CENPA: variants seen among roughly 807,000 people sequenced by gnomAD.
The protein encoded by CENPA is centromere protein A.
Under a neutral mutation model 17.2 loss-of-function variants are expected in CENPA, and 7 were observed. That is an observed-to-expected ratio of 0.41 (90% CI 0.23 to 0.76). The LOEUF (loss-of-function observed/expected upper bound fraction) is 0.76, where lower values mean the gene tolerates loss of function less well. CENPA is among the 30% of genes least tolerant of loss of function. The pLI, the probability that CENPA is intolerant of heterozygous loss-of-function variation, is 0.34. For missense variants in CENPA, 149 were observed against 193.1 expected, an observed-to-expected ratio of 0.77 and a Z score of 1.35; for synonymous variants, 82 against 77.4, an observed-to-expected ratio of 1.06 and a Z score of -0.31.
intron 1 of CENPA, 66 bp downstream of exon 1, chr2:26,786,362 C>G: frequency 1.6e-6 from 2 of 1,281,864 alleles, no homozygotes; most frequent in Non-Finnish European, 2.0e-6. Flanking sequence ...CCCGGATCTC[C>G]CGAGTCCCGA....
At position 26,793,935 on chromosome 2, in the gene CENPA, A is replaced by G. The variant is rs1664668151; in HGVS notation, c.*171A>G. ...TTAAATATTTTTCTTTTTTTTGAGAAGGAGAAGACTGCATGACTTTCCTCT... is the reference window on the plus strand; with the variant it reads ...TTAAATATTTTTCTTTTTTTTGAGAGGGAGAAGACTGCATGACTTTCCTCT... On this transcript the variant is annotated 3_prime_UTR_variant, in exon 5 of 5. Coordinates refer to ENST00000335756, the MANE Select transcript of CENPA (RefSeq NM_001809.4). The G allele has an allele frequency of 6.6e-6, 1 of 152,170 alleles. No individual in the cohort carries two copies. The highest frequency in any genetic ancestry group is 6.6e-5 in the Admixed American group (1 of 15,266). 9.4% of individuals were successfully genotyped at this position (152,170 alleles called of 1,614,324 possible).
In CENPA at chr2:26,792,242, TA is replaced by T; in HGVS notation, c.210+4del. ...AGGAAGCTGCCCTTCAGCCGCCTGG[TA>T]AGCTCCGGGAGCTTCCCACCAACCC... On this transcript the variant is annotated splice_donor_region_variant and intron_variant, in intron 2 of 4. Transcript: ENST00000335756. 1 of 1,610,606 alleles carries T rather than the reference TA, an allele frequency of 6.2e-7. No individual in the cohort carries two copies. The highest frequency in any genetic ancestry group is 8.5e-7 in the Non-Finnish European group (1 of 1,177,718).
intron 1 of CENPA, among the ~76,000 whole-genome samples, chr2:26,790,058 G>C (rs1350990995): frequency 6.6e-6 from 1 of 152,026 alleles, no homozygotes; most frequent in African/African-American, 2.4e-5. Context: ...TCTCTAATTG[G>C]TTACTTTTCA....
intron 1 of CENPA, among the ~76,000 whole-genome samples, chr2:26,787,015 C>G (rs1453362337): frequency 1.3e-5 from 2 of 152,244 alleles, no homozygotes; most frequent in African/African-American, 4.8e-5. Flanking sequence ...CTTTACTTAT[C>G]TCTTAACTCT....
chr2:26,791,725 A>T (rs1664617776), intron 1 of CENPA, among the ~76,000 whole-genome samples: 1 of 152,208 alleles, frequency 6.6e-6, no homozygotes, highest in African/African-American at 2.4e-5. Flanking sequence ...GGTGGGAAAG[A>T]TCTAAGACTT....
At chr2:26,792,098 A>T in intron 1 of CENPA, 33 bp from the exon 2 acceptor site, 1 of 1,596,830 alleles carries the variant, frequency 6.3e-7, no homozygotes, top group Non-Finnish European at 8.6e-7. Flanking sequence ...GGCACCACCT[A>T]TTTTCCACTG....
In CENPA at chr2:26,787,233, G is replaced by A. The variant is rs1664523141; in HGVS notation, c.100+937G>A. ...TTTTTTGGGTTTTTTGTTTTGTTTT[G>A]GAGACGGAGTCAGGCTTTGTCGCCC... On this transcript the variant is annotated intron_variant, in intron 1 of 4. Transcript: ENST00000335756. 4.0e-5 allele frequency among the ~76,000 whole-genome samples: 6 copies of A among 150,836 alleles called. No individual in the cohort carries two copies. In the South Asian group the frequency reaches 1.3e-3, roughly 31 times the overall value.
In CENPA at chr2:26,792,196, A is replaced by G; in HGVS notation, c.166A>G (p.Lys56Glu). ...GCTAAAGGAGATCCGAAAGCTTCAGAAGAGCACACACCTCTTGATAAGGAA... is the reference window on the plus strand; with the variant it reads ...GCTAAAGGAGATCCGAAAGCTTCAGGAGAGCACACACCTCTTGATAAGGAA... ...GWLKEIRKLQKSTHLLIRKLP... is the reference protein window; with the variant it reads ...GWLKEIRKLQESTHLLIRKLP... Residue 56 changes from lysine (K) to glutamate (E), a missense_variant, in exon 2 of 5, where the codon AAG (lysine) becomes GAG (glutamate). Physicochemically the swap from Lys to Glu is moderately conservative, Grantham distance 56. Around this residue, in one of 2 missense-constraint regions of CENPA, gnomAD observed 95 missense variants for 87.5 expected, o/e 1.09. Transcript: ENST00000335756. 6.2e-7 allele frequency: 1 copy of G among 1,613,980 alleles called. No individual in the cohort carries two copies. Among genetic ancestry groups the G allele is most frequent in the East Asian group, 2.2e-5 (1 of 44,880 alleles).
At chr2:26,789,539 A>G (rs1278281754) in intron 1 of CENPA, among the ~76,000 whole-genome samples, 2 of 151,972 alleles carry the variant, frequency 1.3e-5, no homozygotes, top group Non-Finnish European at 2.9e-5. Flanking sequence ...CTCTGACCCC[A>G]GATACCTATA....
chr2:26,790,841 G>T (rs1047699210), intron 1 of CENPA, among the ~76,000 whole-genome samples: 1 of 152,238 alleles, frequency 6.6e-6, no homozygotes, highest in South Asian at 2.1e-4. Flanking sequence ...GCCATCTCTG[G>T]ATTGTCTCAC....
chr2:26,786,983 T>C (rs754742584), intron 1 of CENPA, among the ~76,000 whole-genome samples: 3 of 152,234 alleles, frequency 2.0e-5, no homozygotes, highest in Non-Finnish European at 2.9e-5. Context: ...GATGCCTGTA[T>C]GGTACATGGT....
At position 26,793,816 on chromosome 2, in the gene CENPA, G is replaced by A. The variant is rs946977331; in HGVS notation, c.*52G>A. The A allele has an allele frequency of 6.5e-6, 1 of 153,056 alleles. No homozygotes were observed. The highest frequency in any genetic ancestry group is 1.5e-5 in the Non-Finnish European group (1 of 68,724). The allele number at this position is 153,056 out of a possible 1,614,324, so 9.5% of individuals were successfully genotyped here. A position where few individuals can be genotyped will look rare whatever the true frequency, so the allele number is the denominator to read the frequency against. ...AGTGTGCTTCCTTAATTTCAGGGAT[G>A]ATACCGGGGACTCTCCAGAGCCATG... On this transcript the variant is annotated 3_prime_UTR_variant, in exon 5 of 5. Transcript: ENST00000335756.
intron 2 of CENPA, 58 bp from the exon 3 acceptor site, chr2:26,792,698 T>C (rs1664643290): frequency 1.4e-6 from 2 of 1,389,272 alleles, no homozygotes; most frequent in Non-Finnish European, 2.0e-6. Flanking sequence ...CATTGTCCCT[T>C]GAATCTCTCT....
chr2:26,787,711 T>C (rs1468167534), intron 1 of CENPA, among the ~76,000 whole-genome samples: 1 of 152,190 alleles, frequency 6.6e-6, no homozygotes, highest in Admixed American at 6.5e-5. Context: ...AGGTGGGATT[T>C]TGCCATGTTG....
At chr2:26,792,885 C>A in intron 3 of CENPA, 52 bp downstream of exon 3, 1 of 1,535,050 alleles carries the variant, frequency 6.5e-7, no homozygotes, top group Non-Finnish European at 9.0e-7. Context: ...GAGAAAGAGG[C>A]AGCCTAGAAT....
chr2:26,793,827 C>T lies in CENPA; in HGVS notation c.*63C>T, dbSNP rs1016928614. On this transcript the variant is annotated 3_prime_UTR_variant, in exon 5 of 5. Transcript: ENST00000335756. ...TTAATTTCAGGGATGATACCGGGGA[C>T]TCTCCAGAGCCATGACTAGATCCAA... 1.0e-4 allele frequency: 16 copies of T among 152,774 alleles called. No homozygotes were observed. Among genetic ancestry groups the T allele is most frequent in the African/African-American group, 3.9e-4 (16 of 41,448 alleles). 9.5% of individuals were successfully genotyped at this position (152,774 alleles called of 1,614,324 possible). A position where few individuals can be genotyped will look rare whatever the true frequency, so the allele number is the denominator to read the frequency against.
chr2:26,792,290 A>G lies in CENPA; in HGVS notation c.210+50A>G, dbSNP rs12991888. ...ACCCCTATGCCACCCTCCTTTTTTT[A>G]AATTTTCCCAGGTATTAGGGACCCT... On this transcript the variant is annotated intron_variant, in intron 2 of 4. Transcript: ENST00000335756. 4 of 1,461,582 alleles carry G rather than the reference A, an allele frequency of 2.7e-6. No homozygotes were observed. In the South Asian group the frequency reaches 4.8e-5, roughly 17 times the overall value. 90.5% of individuals were successfully genotyped at this position (1,461,582 alleles called of 1,614,324 possible). A position where few individuals can be genotyped will look rare whatever the true frequency, so the allele number is the denominator to read the frequency against.
intron 1 of CENPA, among the ~76,000 whole-genome samples, chr2:26,791,492 G>A (rs909248482): frequency 2.6e-5 from 4 of 152,078 alleles, no homozygotes; most frequent in African/African-American, 7.2e-5. Context: ...TGAGCCAAAG[G>A]CTCTGTCTCC....
At chr2:26,786,441 G>A in intron 1 of CENPA, 145 bp downstream of exon 1, 4 of 1,151,048 alleles carry the variant, frequency 3.5e-6, no homozygotes, top group Non-Finnish European at 4.4e-6. Context: ...GGCACGGGCG[G>A]TGCCAGCCCT....
Sources: gnomAD v4.1 joint callset for allele counts (sites outside exome capture counted in the v4.1 genomes callset) on GRCh38, gnomAD v4.1.1 for gene constraint, gnomAD v4.1.1 regional missense constraint, MANE v1.5 for transcripts, NCBI Gene and HGNC (gene_info 2026-07-23, HGNC 2026-07-21) for gene names.